The following PTPRE variants were observed in gnomAD, a reference collection of about 807,000 sequenced individuals.
The protein encoded by PTPRE is receptor-type tyrosine-protein phosphatase epsilon.
Under a neutral mutation model 102.0 loss-of-function variants are expected in PTPRE, and 51 were observed. The observed-to-expected ratio is 0.50, with a 90% CI of 0.40 to 0.63. The LOEUF (loss-of-function observed/expected upper bound fraction) is 0.63. PTPRE is among the 30% of genes least tolerant of loss of function. The pLI, the probability that PTPRE is intolerant of heterozygous loss-of-function variation, is 0.00. For missense variants in PTPRE, 752 were observed against 915.1 expected (o/e 0.82, Z 2.30); for synonymous variants, 345 against 348.2 (o/e 0.99, Z 0.10).
chr10:128,004,175 C>A (rs1474131283), intron 2 of PTPRE, among the ~76,000 whole-genome samples: 4 of 151,212 alleles, frequency 2.6e-5, no homozygotes, highest in African/African-American at 9.7e-5. Flanking sequence ...CCCTTATGAT[C>A]ATCTTTCAAG....
chr10:128,032,878 A>G (rs1321210243), intron 2 of PTPRE, among the ~76,000 whole-genome samples: 1 of 152,222 alleles, frequency 6.6e-6, no homozygotes, highest in African/African-American at 2.4e-5. Context: ...CTGCAACTCT[A>G]TTTAAATTAT....
At chr10:127,955,286 GTACATACATACA>G (rs59251219) in intron 1 of PTPRE, among the ~76,000 whole-genome samples, 441 of 150,002 alleles carry the variant, frequency 2.9e-3, no homozygotes, top group African/African-American at 9.1e-3. Context: ...AAATACATGT[GTACATACATACA>G]TACATACATA....
At chr10:128,038,596 G>A (rs1327244737) in intron 2 of PTPRE, among the ~76,000 whole-genome samples, 2 of 139,462 alleles carry the variant, frequency 1.4e-5, no homozygotes, top group African/African-American at 5.4e-5. Context: ...TCATAGGTGG[G>A]AATTGAACAA....
intron 1 of PTPRE, among the ~76,000 whole-genome samples, chr10:127,957,534 A>G (rs1453617363): frequency 6.6e-6 from 1 of 152,222 alleles, no homozygotes; most frequent in Non-Finnish European, 1.5e-5. Context: ...TGCAACAGCC[A>G]TGACTTCCTG....
intron 2 of PTPRE, among the ~76,000 whole-genome samples, chr10:128,024,272 A>G (rs1312223839): frequency 2.0e-5 from 3 of 152,244 alleles, no homozygotes; most frequent in Non-Finnish European, 4.4e-5. Flanking sequence ...GTCTAGCTAT[A>G]TATAGTCCAT....
At chr10:128,003,917 A>ATT (rs1205630288) in intron 2 of PTPRE, among the ~76,000 whole-genome samples, 1 of 152,102 alleles carries the variant, frequency 6.6e-6, no homozygotes, top group African/African-American at 2.4e-5. Flanking sequence ...CCCCATTGGC[A>ATT]ACACCCCACC....
chr10:128,012,322 GT>G (rs1271462664), intron 2 of PTPRE, among the ~76,000 whole-genome samples: 1 of 152,184 alleles, frequency 6.6e-6, no homozygotes, highest in African/African-American at 2.4e-5. Flanking sequence ...ATCTGACCTT[GT>G]GGTCACTCAA....
At chr10:128,056,350 C>T in intron 7 of PTPRE, 137 bp downstream of exon 7, 1 of 691,682 alleles carries the variant, frequency 1.4e-6, no homozygotes, top group Non-Finnish European at 2.5e-6. Flanking sequence ...GCATTTGCAC[C>T]TAGGACTCCA....
At chr10:127,928,118 T>C (rs1429790351) in intron 1 of PTPRE, among the ~76,000 whole-genome samples, 1 of 152,220 alleles carries the variant, frequency 6.6e-6, no homozygotes, top group Non-Finnish European at 1.5e-5. Flanking sequence ...GTCAGATTTA[T>C]AGTTAAAGCA....
chr10:128,070,189 G>T lies in PTPRE; in HGVS notation c.1144-112G>T, dbSNP rs986433796. Reference sequence around the variant, plus strand: ...TGACTCTTGCCTCACACCTCCTTGTGTTGGCAAAAAGAGAAAAAGAAGAAA... The same window carrying T: ...TGACTCTTGCCTCACACCTCCTTGTTTTGGCAAAAAGAGAAAAAGAAGAAA... On this transcript the variant is annotated intron_variant, in intron 13 of 20. Coordinates refer to ENST00000254667, the MANE Select transcript of PTPRE (RefSeq NM_006504.6). This position sits in a 1 kb window ranked among gnomAD's most constrained non-coding sequence, Gnocchi z 4.8. 47 of 1,308,798 alleles carry T rather than the reference G, an allele frequency of 3.6e-5. No individual in the cohort carries two copies. The highest frequency in any genetic ancestry group is 4.7e-5 in the Non-Finnish European group (45 of 956,588). 81.1% of individuals were successfully genotyped at this position (1,308,798 alleles called of 1,614,324 possible). A position where few individuals can be genotyped will look rare whatever the true frequency, so the allele number is the denominator to read the frequency against.
chr10:127,935,790 C>G (rs147593080), intron 1 of PTPRE, among the ~76,000 whole-genome samples: 3 of 152,160 alleles, frequency 2.0e-5, no homozygotes, highest in African/African-American at 7.2e-5. Flanking sequence ...TCACAGGGAC[C>G]CCTCCACCTG....
chr10:128,030,652 C>G (rs1385630615), intron 2 of PTPRE, among the ~76,000 whole-genome samples: 2 of 152,080 alleles, frequency 1.3e-5, no homozygotes, highest in African/African-American at 2.4e-5. Flanking sequence ...GAGAGTTGGC[C>G]TCTGCTTTGA....
chr10:128,047,243 C>G, intron 3 of PTPRE, 147 bp from the exon 4 acceptor site: 1 of 1,205,398 alleles, frequency 8.3e-7, no homozygotes. Context: ...TCTCTGTTAC[C>G]TCGTGGGGCC....
At chr10:128,052,215 C>T (rs1590148807) in intron 6 of PTPRE, among the ~76,000 whole-genome samples, 1 of 152,160 alleles carries the variant, frequency 6.6e-6, no homozygotes, top group African/African-American at 2.4e-5. Flanking sequence ...TGCTCCCAAC[C>T]CCATCTTTCT....
intron 1 of PTPRE, chr10:127,934,912 C>G (rs370007820): frequency 9.2e-5 from 14 of 152,396 alleles, no homozygotes; most frequent in South Asian, 2.1e-4. Flanking sequence ...CCCCTGGGAG[C>G]GTCCATTTTT....
At chr10:127,981,820 CAAA>C (rs71949953) in intron 1 of PTPRE, among the ~76,000 whole-genome samples, 1 of 136,686 alleles carries the variant, frequency 7.3e-6, no homozygotes, top group Admixed American at 7.4e-5. Context: ...CACTCCGTCT[CAAA>C]AAAAAAAAAA....
chr10:128,077,471 C>A, intron 18 of PTPRE, 146 bp from the exon 19 acceptor site: 1 of 1,069,782 alleles, frequency 9.3e-7, no homozygotes, highest in Non-Finnish European at 1.3e-6. Flanking sequence ...TCAGCCTTCT[C>A]CTTCAGGCTG....
rs1479971501 is a variant in PTPRE at position 127,944,274 on chromosome 10, T to C, written c.-31+36965T>C. On this transcript the variant is annotated intron_variant, in intron 1 of 20. Transcript: ENST00000254667. This position sits in a 1 kb window ranked among gnomAD's most constrained non-coding sequence, Gnocchi z 4.2. ...AGCTGTTGTGTCACATGCAGCATGA[T>C]AGTCAGGGATGGATGAGCACCTCTG... Among the ~76,000 whole-genome samples the C allele has an allele frequency of 6.6e-6, 1 of 152,144 alleles. No homozygotes were observed. Among genetic ancestry groups the C allele is most frequent in the Non-Finnish European group, 1.5e-5 (1 of 68,030 alleles).
intron 1 of PTPRE, among the ~76,000 whole-genome samples, chr10:127,940,421 C>A (rs1425111682): frequency 3.3e-5 from 5 of 152,308 alleles, no homozygotes; most frequent in Non-Finnish European, 7.4e-5. Flanking sequence ...CCTGATGGAC[C>A]ACACCTGTGC....
Sources: gnomAD v4.1 joint callset for allele counts (sites outside exome capture counted in the v4.1 genomes callset) on GRCh38, gnomAD v4.1.1 for gene constraint, Gnocchi (gnomAD v3.1) non-coding constraint, MANE v1.5 for transcripts, NCBI Gene and HGNC (gene_info 2026-07-23, HGNC 2026-07-21) for gene names.